EMP2: variants seen among roughly 807,000 people sequenced by gnomAD.
The protein encoded by EMP2 is epithelial membrane protein 2.
Under a neutral mutation model 13.7 loss-of-function variants are expected in EMP2, and 19 were observed. That is an observed-to-expected ratio of 1.38 (90% CI 0.97 to 2.03). The LOEUF (loss-of-function observed/expected upper bound fraction) is 2.03. EMP2 is among the 30% of genes most tolerant of loss of function. The pLI is 0.00. For synonymous variants in EMP2, 97 were observed against 84.7 expected (o/e 1.15, Z -0.80); for missense variants, 253 against 220.7 (o/e 1.15, Z -0.93).
At chr16:10,542,399 A>AAAAC (rs144013890) in intron 3 of EMP2, among the ~76,000 whole-genome samples, 40 of 151,402 alleles carry the variant, frequency 2.6e-4, no homozygotes, top group African/African-American at 6.6e-4. Flanking sequence ...CCCTGTCTCA[A>AAAAC]AAACAAACAA....
intron 1 of EMP2, among the ~76,000 whole-genome samples, chr16:10,549,652 C>A (rs141614568): frequency 2.0e-5 from 3 of 151,720 alleles, no homozygotes; most frequent in Non-Finnish European, 2.9e-5. Flanking sequence ...AAGTACAGTG[C>A]GAATCAGACC....
chr16:10,540,654 A>C (rs560085063), intron 3 of EMP2, among the ~76,000 whole-genome samples: 1 of 152,270 alleles, frequency 6.6e-6, no homozygotes, highest in East Asian at 1.9e-4. Context: ...GAAAAGGACC[A>C]GAAACAGGCT....
At chr16:10,568,679 A>G (rs534395320) in intron 1 of EMP2, among the ~76,000 whole-genome samples, 36 of 152,252 alleles carry the variant, frequency 2.4e-4, no homozygotes, top group African/African-American at 8.7e-4. Context: ...ACAGAGACCA[A>G]GAGGACGGTC....
chr16:10,555,386 T>C (rs1773615677), intron 1 of EMP2, among the ~76,000 whole-genome samples: 1 of 152,204 alleles, frequency 6.6e-6, no homozygotes, highest in Admixed American at 6.5e-5. Context: ...CTTACCCACC[T>C]GAAGGTAGGA....
chr16:10,536,389 C>T (rs566444409), intron 4 of EMP2, among the ~76,000 whole-genome samples: 5 of 152,224 alleles, frequency 3.3e-5, no homozygotes, highest in Admixed American at 1.3e-4. Context: ...ATGTCAAGGA[C>T]GGGGCTAGGT....
At chr16:10,550,268 C>G (rs1177369908) in intron 1 of EMP2, among the ~76,000 whole-genome samples, 1 of 152,122 alleles carries the variant, frequency 6.6e-6, no homozygotes, top group Non-Finnish European at 1.5e-5. Flanking sequence ...TATCTACAGT[C>G]CATAGTCAAA....
At chr16:10,554,926 C>T (rs1359579434) in intron 1 of EMP2, among the ~76,000 whole-genome samples, 2 of 152,294 alleles carry the variant, frequency 1.3e-5, no homozygotes, top group Admixed American at 6.5e-5. Flanking sequence ...CTAGCCCATC[C>T]CCCTAGTTTA....
intron 3 of EMP2, among the ~76,000 whole-genome samples, chr16:10,541,770 C>A (rs530667229): frequency 6.6e-6 from 1 of 152,236 alleles, no homozygotes; most frequent in East Asian, 1.9e-4. Context: ...GGAATCCTGC[C>A]GCCATCATTC....
At chr16:10,573,961 A>T (rs1401632391) in intron 1 of EMP2, among the ~76,000 whole-genome samples, 17 of 116,386 alleles carry the variant, frequency 1.5e-4, no homozygotes, top group African/African-American at 5.9e-4. Flanking sequence ...TTTTTGAGAC[A>T]GAGTCTTGCT....
rs2050688921 is a variant in EMP2 at position 10,540,709 on chromosome 16, A to G, written c.170-2635T>C. ...GTGTGTCTGCCCAGACTTTGATAAC[A>G]TCATTGGGCTTTCCATCTAGTATTT... On this transcript the variant is annotated intron_variant, in intron 3 of 4. Coordinates refer to ENST00000359543, the MANE Select transcript of EMP2 (RefSeq NM_001424.6). Among the ~76,000 whole-genome samples, 4 of 151,824 alleles carry G rather than the reference A, an allele frequency of 2.6e-5. 1 individual carries two copies. In the South Asian group the frequency reaches 8.3e-4, roughly 32 times the overall value.
intron 4 of EMP2, among the ~76,000 whole-genome samples, chr16:10,535,228 G>C (rs1383887486): frequency 6.6e-6 from 1 of 152,180 alleles, no homozygotes; most frequent in Non-Finnish European, 1.5e-5. Flanking sequence ...GGGAGGGCCA[G>C]GTCTTTGGAC....
intron 1 of EMP2, among the ~76,000 whole-genome samples, chr16:10,552,766 T>C (rs1484954713): frequency 2.6e-5 from 4 of 152,214 alleles, no homozygotes; most frequent in African/African-American, 9.7e-5. Context: ...CAGGTGGTCC[T>C]CAGTGTCAGT....
rs1254949232 is a variant in EMP2, at chr16:10,543,806, A to AGACT, written c.79-150_79-147dup. On this transcript the variant is annotated intron_variant, in intron 2 of 4. Transcript: ENST00000359543. ...TTGCCTGAGGAGCTTATTCTAATGC[A>AGACT]GACTGACTCAGGAGGTCTGGGGTGG... 1.5e-5 allele frequency: 11 copies of AGACT among 728,580 alleles called. No individual in the cohort carries two copies. In the African/African-American group the frequency reaches 1.6e-4, roughly 11 times the overall value. 45.1% of individuals were successfully genotyped at this position (728,580 alleles called of 1,614,324 possible).
chr16:10,569,953 C>T (rs552852287), intron 1 of EMP2, among the ~76,000 whole-genome samples: 115 of 152,312 alleles, frequency 7.6e-4, no homozygotes, highest in African/African-American at 2.5e-3. Flanking sequence ...ACCCTAGTGA[C>T]TTCTCAGGGC....
chr16:10,552,676 T>C (rs2050797255), intron 1 of EMP2, among the ~76,000 whole-genome samples: 1 of 152,186 alleles, frequency 6.6e-6, no homozygotes, highest in South Asian at 2.1e-4. Context: ...CGTATAGCAG[T>C]GATATAAAGT....
At chr16:10,563,184 T>TTTA (rs150005955) in intron 1 of EMP2, among the ~76,000 whole-genome samples, 95 of 151,202 alleles carry the variant, frequency 6.3e-4, no homozygotes, top group East Asian at 2.7e-3. Context: ...GCATTTCCTC[T>TTTA]TTATTATTAT....
At position 10,560,260 on chromosome 16, in the gene EMP2, G is replaced by A. The variant is rs368196206; in HGVS notation, c.-60-12583C>T. Among the ~76,000 whole-genome samples the A allele has an allele frequency of 2.6e-5, 4 of 152,252 alleles. No homozygotes were observed. The East Asian group carries it at 5.8e-4, about 22-fold the overall frequency. Reference sequence around the variant, plus strand: ...GTCCCACATCCTGGGAACATGCTTTGCAAAGCACACTGGGGACAACGGAAG... The same window carrying A: ...GTCCCACATCCTGGGAACATGCTTTACAAAGCACACTGGGGACAACGGAAG... On this transcript the variant is annotated intron_variant, in intron 1 of 4. Transcript: ENST00000359543.
At chr16:10,553,686 G>C (rs2050806006) in intron 1 of EMP2, among the ~76,000 whole-genome samples, 1 of 152,146 alleles carries the variant, frequency 6.6e-6, no homozygotes, top group African/African-American at 2.4e-5. Context: ...CTGTGCCTAC[G>C]AATCCACCTC....
chr16:10,566,211 C>T (rs186736738), intron 1 of EMP2, among the ~76,000 whole-genome samples: 76 of 152,314 alleles, frequency 5.0e-4, no homozygotes, highest in African/African-American at 1.3e-3. Context: ...AAAGATTTTC[C>T]TTCATAATTG....
Sources: allele counts gnomAD v4.1 joint callset (sites outside exome capture counted in the v4.1 genomes callset), GRCh38; gene constraint gnomAD v4.1.1; transcripts MANE v1.5; gene names NCBI Gene and HGNC (gene_info 2026-07-23, HGNC 2026-07-21).